Variants in HDAC4 observed in about 807,000 individuals in gnomAD.
HDAC4 encodes histone deacetylase 4.
A neutral mutation model predicts 135.1 loss-of-function variants in HDAC4; 16 were observed. The ratio of observed to expected loss-of-function variants is 0.12; its 90% confidence interval spans 0.08 to 0.18. HDAC4 has a LOEUF of 0.18. HDAC4 is among the 10% of genes least tolerant of loss of function. The pLI is 1.00. For synonymous variants in HDAC4, 685 were observed against 653.4 expected, an observed-to-expected ratio of 1.05 and a Z score of -0.74; for missense variants, 1,143 against 1,511.8, an observed-to-expected ratio of 0.76 and a Z score of 4.05.
intron 24 of HDAC4, among the ~76,000 whole-genome samples, chr2:239,061,118 C>G (rs989637232): frequency 1.3e-5 from 2 of 151,218 alleles, no homozygotes; most frequent in African/African-American, 4.8e-5. Context: ...ACCGTTGGCA[C>G]GGGGGGAGTG....
At chr2:239,189,044 G>T (rs1237909493) in intron 4 of HDAC4, among the ~76,000 whole-genome samples, 4 of 152,268 alleles carry the variant, frequency 2.6e-5, no homozygotes, top group African/African-American at 9.6e-5. Context: ...ACTGCTAAGT[G>T]TTGGGGTAAT....
Position 239,139,889 on chromosome 2 carries a change from C to T in HDAC4, c.866-93G>A, listed in dbSNP as rs2041243005. The T allele has an allele frequency of 4.1e-6, 4 of 976,686 alleles. No homozygotes were observed. Among genetic ancestry groups the T allele is most frequent in the Non-Finnish European group, 6.5e-6 (4 of 614,952 alleles). 60.5% of individuals were successfully genotyped at this position (976,686 alleles called of 1,614,324 possible). A position where few individuals can be genotyped will look rare whatever the true frequency, so the allele number is the denominator to read the frequency against. Reference sequence around the variant, plus strand: ...CCGAATGCCCGGTGCCTTCCACGGACCTGCTCGTTAGCTTGCGACAGGCAG... The same window carrying T: ...CCGAATGCCCGGTGCCTTCCACGGATCTGCTCGTTAGCTTGCGACAGGCAG... On this transcript the variant is annotated intron_variant, in intron 8 of 26. Coordinates refer to ENST00000543185, the MANE Select transcript of HDAC4 (RefSeq NM_001378414.1). The surrounding 1 kb of genome is among the most constrained non-coding windows in gnomAD (Gnocchi z 5.3).
intron 2 of HDAC4, among the ~76,000 whole-genome samples, chr2:239,237,753 G>A (rs371975322): frequency 1.4e-4 from 21 of 149,578 alleles, no homozygotes; most frequent in Non-Finnish European, 2.5e-4. Context: ...TGGACCTGCA[G>A]GAGCTCAGCA....
intron 2 of HDAC4, among the ~76,000 whole-genome samples, chr2:239,325,523 C>A (rs1437050640): frequency 6.6e-6 from 1 of 152,190 alleles, no homozygotes; most frequent in Non-Finnish European, 1.5e-5. Flanking sequence ...AATAAGATAC[C>A]ATTCACACTC....
At chr2:239,095,629 C>T (rs11693783) in intron 16 of HDAC4, among the ~76,000 whole-genome samples, 30,961 of 152,070 alleles carry the variant, frequency 0.2, 3,283 homozygotes, top group South Asian at 0.24. Context: ...TCCAAGGACG[C>T]TGCAGCTGCA....
At chr2:239,361,262 C>T (rs1693849214) in intron 1 of HDAC4, among the ~76,000 whole-genome samples, 1 of 152,170 alleles carries the variant, frequency 6.6e-6, no homozygotes, top group Non-Finnish European at 1.5e-5. Flanking sequence ...TTCCTGGATT[C>T]CCCTCAGAAA....
intron 7 of HDAC4, among the ~76,000 whole-genome samples, chr2:239,151,359 G>A (rs913064163): frequency 2.0e-5 from 3 of 152,192 alleles, no homozygotes; most frequent in African/African-American, 7.2e-5. Context: ...TGTCGTGGGC[G>A]CCAGCCTGGC....
chr2:239,306,049 C>T lies in HDAC4; in HGVS notation c.22+46629G>A, dbSNP rs559118354. On this transcript the variant is annotated intron_variant, in intron 2 of 26. Transcript: ENST00000543185. This position sits in a 1 kb window ranked among gnomAD's most constrained non-coding sequence, Gnocchi z 4.5. ...ATTCCTAGTGTCCTAGACTGCCTGGCTTCACATGAGAAACACTCTGCTTAA... is the reference window on the plus strand; with the variant it reads ...ATTCCTAGTGTCCTAGACTGCCTGGTTTCACATGAGAAACACTCTGCTTAA... 1.3e-5 allele frequency among the ~76,000 whole-genome samples: 2 copies of T among 152,296 alleles called. No individual in the cohort carries two copies. Among genetic ancestry groups the T allele is most frequent in the East Asian group, 1.9e-4 (1 of 5,178 alleles).
chr2:239,338,985 G>A (rs549474006), intron 2 of HDAC4, among the ~76,000 whole-genome samples: 15 of 152,346 alleles, frequency 9.8e-5, no homozygotes, highest in Non-Finnish European at 2.1e-4. Flanking sequence ...AAGAAACTGT[G>A]AAGGCAGAGG....
chr2:239,219,385 A>G (rs2046820841), intron 3 of HDAC4, among the ~76,000 whole-genome samples: 1 of 151,280 alleles, frequency 6.6e-6, no homozygotes, highest in African/African-American at 2.4e-5. Flanking sequence ...AACCAAACAC[A>G]GCATGTTCTC....
At chr2:239,155,224 A>G (rs1172908975) in intron 7 of HDAC4, among the ~76,000 whole-genome samples, 3 of 149,642 alleles carry the variant, frequency 2.0e-5, no homozygotes, top group Non-Finnish European at 4.4e-5. Context: ...CCGCCTCAAT[A>G]AACCCTAATA....
rs369854574 is a variant in HDAC4, at chr2:239,088,404, T to G, written c.2389-790A>C. Among the ~76,000 whole-genome samples the G allele has an allele frequency of 3.6e-3, 543 of 152,336 alleles. 3 individuals are homozygous for G. The highest frequency in any genetic ancestry group is 0.012 in the African/African-American group (499 of 41,570). ...CTCAGGAAGGGGCGAGGGCAGCCCATGAGGTGGCGGCAAACGCTCTCAAGA... is the reference window on the plus strand; with the variant it reads ...CTCAGGAAGGGGCGAGGGCAGCCCAGGAGGTGGCGGCAAACGCTCTCAAGA... On this transcript the variant is annotated intron_variant, in intron 18 of 26. Coordinates refer to ENST00000543185, the MANE Select transcript of HDAC4 (RefSeq NM_001378414.1).
Position 239,161,153 on chromosome 2 carries a change from A to T in HDAC4, c.611+2650T>A, listed in dbSNP as rs1258002355. 3.3e-5 allele frequency among the ~76,000 whole-genome samples: 5 copies of T among 152,012 alleles called. No individual in the cohort carries two copies. In the South Asian group the frequency reaches 1.0e-3, roughly 32 times the overall value. On this transcript the variant is annotated intron_variant, in intron 6 of 26. Transcript: ENST00000543185. ...TAAGTGGGCGGCTTGTCTTTTTACT[A>T]TTGAGTTATAGGAACGAGCTCTACA...
intron 2 of HDAC4, among the ~76,000 whole-genome samples, chr2:239,293,581 G>C (rs1010300421): frequency 1.3e-5 from 2 of 152,188 alleles, no homozygotes; most frequent in Admixed American, 6.5e-5. Flanking sequence ...GCTGAGAGCA[G>C]GAGCCCGAGG....
At chr2:239,266,452 C>T (rs2049736232) in intron 2 of HDAC4, among the ~76,000 whole-genome samples, 1 of 152,220 alleles carries the variant, frequency 6.6e-6, no homozygotes, top group African/African-American at 2.4e-5. Context: ...TGGCCCTGTG[C>T]TGGCCATGCT....
chr2:239,198,278 T>A (rs1258953484), intron 3 of HDAC4, among the ~76,000 whole-genome samples: 2 of 152,146 alleles, frequency 1.3e-5, no homozygotes, highest in African/African-American at 4.8e-5. Context: ...ACCTGCCAAC[T>A]GTGGGCACAG....
intron 11 of HDAC4, among the ~76,000 whole-genome samples, chr2:239,133,517 A>C (rs1490441944): frequency 6.6e-6 from 1 of 152,212 alleles, no homozygotes; most frequent in Admixed American, 6.5e-5. Flanking sequence ...CCCAGGCTGG[A>C]GTGCAGTGCC....
intron 2 of HDAC4, among the ~76,000 whole-genome samples, chr2:239,254,861 C>A (rs1487213813): frequency 6.6e-6 from 1 of 152,082 alleles, no homozygotes; most frequent in Admixed American, 6.5e-5. Context: ...CATTTAAACA[C>A]TAAACATGGA....
intron 1 of HDAC4, among the ~76,000 whole-genome samples, chr2:239,396,139 AT>A (rs557713979): frequency 3.4e-3 from 466 of 138,628 alleles, no homozygotes; most frequent in African/African-American, 4.8e-3. Context: ...GTCATGCCTG[AT>A]TTTTTTTTTT....
Sources: allele counts gnomAD v4.1 joint callset (sites outside exome capture counted in the v4.1 genomes callset), GRCh38; gene constraint gnomAD v4.1.1; non-coding constraint Gnocchi (gnomAD v3.1); transcripts MANE v1.5; gene names NCBI Gene and HGNC (gene_info 2026-07-23, HGNC 2026-07-21).